CDK14: variants seen among roughly 807,000 people sequenced by gnomAD.
CDK14 encodes cyclin-dependent kinase 14.
Under a neutral mutation model 60.7 loss-of-function variants are expected in CDK14, and 34 were observed. That is an observed-to-expected ratio of 0.56 (90% CI 0.43 to 0.75). The LOEUF (loss-of-function observed/expected upper bound fraction) is 0.75, where lower values mean the gene tolerates loss of function less well. Ranked by LOEUF, CDK14 falls within the 30% of genes least tolerant of loss-of-function variation. The probability of loss-of-function intolerance (pLI) is 0.00; values close to 1 mark genes in which losing one functional copy is unlikely to be tolerated. For synonymous variants in CDK14, 197 were observed against 203.7 expected (o/e 0.97, Z 0.28); for missense variants, 482 against 564.1 (o/e 0.85, Z 1.47).
intron 10 of CDK14, among the ~76,000 whole-genome samples, chr7:90,990,087 T>C (rs2115683255): frequency 1.3e-5 from 2 of 152,186 alleles, no homozygotes; most frequent in African/African-American, 4.8e-5. Flanking sequence ...AATAAAACAG[T>C]ATAACAGGAG....
chr7:90,664,034 A>G (rs1017693161), intron 2 of CDK14, among the ~76,000 whole-genome samples: 14 of 152,204 alleles, frequency 9.2e-5, no homozygotes, highest in Non-Finnish European at 2.1e-4. Context: ...AATTTTTGCA[A>G]CCTACTCATC....
chr7:90,838,009 A>G (rs548578180), intron 5 of CDK14, among the ~76,000 whole-genome samples: 1 of 152,144 alleles, frequency 6.6e-6, no homozygotes, highest in South Asian at 2.1e-4. Flanking sequence ...ATTACAAAAC[A>G]CACACTCACC....
intron 2 of CDK14, among the ~76,000 whole-genome samples, chr7:90,626,058 T>C (rs1799868488): frequency 6.6e-6 from 1 of 152,230 alleles, no homozygotes; most frequent in Non-Finnish European, 1.5e-5. Context: ...ATCAATACAA[T>C]CTTTCTGTGA....
At chr7:91,057,545 TGG>T in intron 11 of CDK14, among the ~76,000 whole-genome samples, 1 of 152,164 alleles carries the variant, frequency 6.6e-6, no homozygotes, top group African/African-American at 2.4e-5. Context: ...TTAGGTCTAA[TGG>T]TTAAGTCTTT....
At chr7:90,954,345 T>C (rs1794345267) in intron 8 of CDK14, among the ~76,000 whole-genome samples, 1 of 152,162 alleles carries the variant, frequency 6.6e-6, no homozygotes, top group Admixed American at 6.6e-5. Context: ...TATGGTAGGT[T>C]CACTGTAAAA....
chr7:90,783,335 T>C (rs1805424572), intron 4 of CDK14, among the ~76,000 whole-genome samples: 1 of 152,200 alleles, frequency 6.6e-6, no homozygotes, highest in Non-Finnish European at 1.5e-5. Flanking sequence ...AAGAAATTAA[T>C]GTGTCCATTT....
At chr7:91,022,601 C>T (rs1236824492) in intron 10 of CDK14, among the ~76,000 whole-genome samples, 2 of 152,194 alleles carry the variant, frequency 1.3e-5, no homozygotes, top group Non-Finnish European at 2.9e-5. Context: ...GCAAAATGTT[C>T]TCCCTTTTAA....
rs76748681 is a variant in CDK14, at chr7:91,027,353, A to G, written c.1042-18544A>G. Among the ~76,000 whole-genome samples, 75 of 152,316 alleles carry G rather than the reference A, an allele frequency of 4.9e-4. No individual in the cohort carries two copies. The Middle Eastern group carries it at 0.014, about 28-fold the overall frequency. ...AATACTGACAATTACCCCATATCTC[A>G]GTGTCATCCAGAGAACTGCAGACAT... On this transcript the variant is annotated intron_variant, in intron 10 of 14. Coordinates refer to ENST00000380050, the MANE Select transcript of CDK14 (RefSeq NM_001287135.2).
At chr7:91,145,584 A>G (rs1198326583) in intron 14 of CDK14, among the ~76,000 whole-genome samples, 2 of 152,216 alleles carry the variant, frequency 1.3e-5, no homozygotes, top group Admixed American at 6.5e-5. Flanking sequence ...AACGTTCACA[A>G]TCCATGCTCA....
At chr7:90,920,327 C>A (rs1057011609) in intron 8 of CDK14, among the ~76,000 whole-genome samples, 1 of 152,046 alleles carries the variant, frequency 6.6e-6, no homozygotes, top group African/African-American at 2.4e-5. Flanking sequence ...CTAAAAGAGA[C>A]AAATACAAAG....
At chr7:90,723,197 G>A (rs1014725904) in intron 2 of CDK14, among the ~76,000 whole-genome samples, 1 of 152,120 alleles carries the variant, frequency 6.6e-6, no homozygotes, top group Non-Finnish European at 1.5e-5. Flanking sequence ...TGAGTCTATT[G>A]AGATGATCAT....
At chr7:90,735,782 G>C (rs1156320914) in intron 3 of CDK14, among the ~76,000 whole-genome samples, 4 of 152,220 alleles carry the variant, frequency 2.6e-5, no homozygotes, top group Non-Finnish European at 5.9e-5. Context: ...GGGACCTGCC[G>C]AGCCAGACCA....
intron 5 of CDK14, among the ~76,000 whole-genome samples, chr7:90,810,718 C>T (rs1789060688): frequency 6.6e-6 from 1 of 151,914 alleles, no homozygotes; most frequent in African/African-American, 2.4e-5. Flanking sequence ...TAGAAAACCC[C>T]ATCGTCTCAG....
At chr7:90,834,221 G>C (rs1373614117) in intron 5 of CDK14, among the ~76,000 whole-genome samples, 1 of 152,182 alleles carries the variant, frequency 6.6e-6, no homozygotes, top group Non-Finnish European at 1.5e-5. Flanking sequence ...TTTAGCATAT[G>C]TACAATTACT....
At chr7:90,600,713 C>G (rs994453902) in intron 1 of CDK14, among the ~76,000 whole-genome samples, 7 of 152,160 alleles carry the variant, frequency 4.6e-5, no homozygotes, top group African/African-American at 1.7e-4. Context: ...CACATTTTCC[C>G]CAATGCAACT....
chr7:90,920,917 G>A (rs1009345882), intron 8 of CDK14, among the ~76,000 whole-genome samples: 2 of 151,608 alleles, frequency 1.3e-5, no homozygotes, highest in Non-Finnish European at 2.9e-5. Flanking sequence ...CTGAATTCCA[G>A]GTAGTCAAAA....
chr7:90,858,153 A>G (rs1790888917), intron 5 of CDK14, among the ~76,000 whole-genome samples: 1 of 152,210 alleles, frequency 6.6e-6, no homozygotes, highest in Non-Finnish European at 1.5e-5. Flanking sequence ...GTTTCATCTA[A>G]GTGGTCAAAA....
chr7:90,659,571 T>G (rs1475316237), intron 2 of CDK14, among the ~76,000 whole-genome samples: 1 of 152,204 alleles, frequency 6.6e-6, no homozygotes, highest in Non-Finnish European at 1.5e-5. Flanking sequence ...AGGGATATGA[T>G]GAATTTGGCC....
chr7:91,120,850 A>G (rs1459671577), intron 14 of CDK14, among the ~76,000 whole-genome samples: 1 of 152,072 alleles, frequency 6.6e-6, no homozygotes, highest in African/African-American at 2.4e-5. Context: ...TAAAGCTTTA[A>G]TATTATTGTT....
Sources: allele counts gnomAD v4.1 joint callset (sites outside exome capture counted in the v4.1 genomes callset), GRCh38; gene constraint gnomAD v4.1.1; transcripts MANE v1.5; gene names NCBI Gene and HGNC (gene_info 2026-07-23, HGNC 2026-07-21).